Variants in CENPP observed in about 807,000 individuals in gnomAD.
CENPP encodes the protein centromere protein P.
In CENPP, 24 loss-of-function variants were observed where a neutral mutation model predicts 35.6. That is an observed-to-expected ratio of 0.67 (90% confidence interval 0.49 to 0.95). The LOEUF (loss-of-function observed/expected upper bound fraction) is 0.95. Among genes scored for constraint, CENPP ranks in the 40% least tolerant of loss-of-function variants. The pLI is 0.00. For missense variants in CENPP, 332 were observed against 345.3 expected (o/e 0.96, Z 0.31); for synonymous variants, 120 against 125.5 (o/e 0.96, Z 0.29).
rs76697189 is a variant in CENPP, at chr9:92,401,540, C to A, written c.564+21681C>A. ...AAAGTTTTTCTGAGGTGAAACTGTTCCTCAGGGGTCTTGTCTGAACTGAGT... is the reference window on the plus strand; with the variant it reads ...AAAGTTTTTCTGAGGTGAAACTGTTACTCAGGGGTCTTGTCTGAACTGAGT... On this transcript the variant is annotated intron_variant, in intron 5 of 7. Transcript: ENST00000375587. Among the ~76,000 whole-genome samples, 29 of 152,254 alleles carry A rather than the reference C, an allele frequency of 1.9e-4. No homozygotes were observed. In the East Asian group the frequency reaches 5.6e-3, roughly 29 times the overall value.
chr9:92,615,577 C>T lies in CENPP; in HGVS notation c.*2428C>T. On this transcript the variant is annotated 3_prime_UTR_variant, in exon 8 of 8. Transcript: ENST00000375587. ...AAAGAAGAACTATCCAGAACGTCTT[C>T]CCAGGGCTTAACGGACACTTCCATT... is the stretch of plus-strand genomic sequence containing the variant. 1 of 465,032 alleles carries T rather than the reference C, an allele frequency of 2.2e-6. No individual in the cohort carries two copies. The highest frequency in any genetic ancestry group is 3.9e-6 in the Non-Finnish European group (1 of 255,062). 28.8% of individuals were successfully genotyped at this position (465,032 alleles called of 1,614,324 possible). A position where few individuals can be genotyped will look rare whatever the true frequency, so the allele number is the denominator to read the frequency against.
intron 5 of CENPP, among the ~76,000 whole-genome samples, chr9:92,546,439 G>A (rs1448029393): frequency 2.0e-5 from 3 of 152,128 alleles, no homozygotes; most frequent in Non-Finnish European, 4.4e-5. Context: ...ACACTCATGG[G>A]GGAAGATCTG....
chr9:92,497,032 G>A (rs1374107751), intron 5 of CENPP, among the ~76,000 whole-genome samples: 4 of 151,602 alleles, frequency 2.6e-5, no homozygotes, highest in Non-Finnish European at 4.4e-5. Context: ...AAAATGGTGC[G>A]CCACCTCTGG....
rs181388295 is a variant in CENPP, at chr9:92,593,301, G to A, written c.565-18013G>A. Among the ~76,000 whole-genome samples the A allele has an allele frequency of 7.2e-4, 110 of 152,326 alleles. No individual in the cohort carries two copies. The highest frequency in any genetic ancestry group is 6.8e-3 in the Middle Eastern group (2 of 294). ...AAAAACAGACTTCTGACAGACCACC[G>A]TGGCATCACACACAGGAGATACTCC... On this transcript the variant is annotated intron_variant, in intron 5 of 7. Coordinates refer to ENST00000375587, the MANE Select transcript of CENPP (RefSeq NM_001012267.3). This position sits in a 1 kb window ranked among gnomAD's most constrained non-coding sequence, Gnocchi z 4.1.
chr9:92,615,201 G>C lies in CENPP; in HGVS notation c.*2052G>C, dbSNP rs1194546821. 6.6e-6 allele frequency: 1 copy of C among 152,514 alleles called. No individual in the cohort carries two copies. The highest frequency in any genetic ancestry group is 6.5e-5 in the Admixed American group (1 of 15,286). 9.4% of individuals were successfully genotyped at this position (152,514 alleles called of 1,614,324 possible). On this transcript the variant is annotated 3_prime_UTR_variant, in exon 8 of 8. Coordinates refer to ENST00000375587, the MANE Select transcript of CENPP (RefSeq NM_001012267.3). ...GCATGAGTGGTGTCCATCCTGACCT[G>C]AGCCTTGCGCTCCCTGCTGCCCTGT...
chr9:92,429,573 G>A (rs1349835609), intron 5 of CENPP, among the ~76,000 whole-genome samples: 1 of 152,144 alleles, frequency 6.6e-6, no homozygotes, highest in East Asian at 1.9e-4. Context: ...GATTACCTGA[G>A]GTCAGGAGTT....
In CENPP at chr9:92,552,040, ATAT is replaced by A. The variant is rs907795430; in HGVS notation, c.565-59270_565-59268del. Among the ~76,000 whole-genome samples the A allele has an allele frequency of 1.1e-4, 10 of 93,718 alleles. 1 individual carries two copies. Among genetic ancestry groups the A allele is most frequent in the African/African-American group, 3.2e-4 (5 of 15,774 alleles). The allele number at this position is 93,718 out of a possible 152,430, so 61.5% of individuals were successfully genotyped here. A position where few individuals can be genotyped will look rare whatever the true frequency, so the allele number is the denominator to read the frequency against. ...ATATGATAGATCTATCATATATGTG[ATAT>A]TATAGGTCTATCATATATGTGATAT... On this transcript the variant is annotated intron_variant, in intron 5 of 7. Coordinates refer to ENST00000375587, the MANE Select transcript of CENPP (RefSeq NM_001012267.3).
At chr9:92,337,503 C>G in intron 2 of CENPP, 38 bp from the exon 3 acceptor site, 5 of 1,146,674 alleles carry the variant, frequency 4.4e-6, no homozygotes, top group Non-Finnish European at 6.6e-6. Context: ...AAGAAAATGG[C>G]TATTTGCAAA....
rs368870400 is a variant in CENPP at position 92,551,940 on chromosome 9, T to TGATATATATATATGATATATATATG, written c.565-59374_565-59373insGATATATATATATGATATATATATG. ...TGGTGTGTGTGTATATATATATATATATATATATATATGATATATATATGT... is the reference window on the plus strand; with the variant it reads ...TGGTGTGTGTGTATATATATATATATGATATATATATATGATATATATATGATATATATATATGATATATATATGT... On this transcript the variant is annotated intron_variant, in intron 5 of 7. Transcript: ENST00000375587. Among the ~76,000 whole-genome samples the TGATATATATATATGATATATATATG allele has an allele frequency of 1.1e-4, 13 of 113,362 alleles. 1 individual carries two copies. Among genetic ancestry groups the TGATATATATATATGATATATATATG allele is most frequent in the South Asian group, 2.5e-4 (1 of 3,946 alleles). The allele number at this position is 113,362 out of a possible 152,430, so 74.4% of individuals were successfully genotyped here. A position where few individuals can be genotyped will look rare whatever the true frequency, so the allele number is the denominator to read the frequency against.
chr9:92,409,364 A>G (rs978979215), intron 5 of CENPP, among the ~76,000 whole-genome samples: 1 of 152,224 alleles, frequency 6.6e-6, no homozygotes, highest in Non-Finnish European at 1.5e-5. Flanking sequence ...ATCCTTGGGG[A>G]CATATGAATT....
rs1850711410 is a variant in CENPP, at chr9:92,593,575, AG to A, written c.565-17738del. ...ATCTGTACAGAAATGAATAAATGAA[AG>A]AGTGGTGTTTGCTACTCTTCTGTTA... On this transcript the variant is annotated intron_variant, in intron 5 of 7. Transcript: ENST00000375587. This position sits in a 1 kb window ranked among gnomAD's most constrained non-coding sequence, Gnocchi z 4.1. 6.6e-6 allele frequency among the ~76,000 whole-genome samples: 1 copy of A among 152,206 alleles called. No homozygotes were observed. Among genetic ancestry groups the A allele is most frequent in the South Asian group, 2.1e-4 (1 of 4,832 alleles).
intron 5 of CENPP, among the ~76,000 whole-genome samples, chr9:92,533,840 T>C (rs1849007065): frequency 6.6e-6 from 1 of 152,140 alleles, no homozygotes; most frequent in South Asian, 2.1e-4. Context: ...TTATTTCTTA[T>C]ATTTAGTGTT....
At chr9:92,561,456 C>T (rs927898379) in intron 5 of CENPP, among the ~76,000 whole-genome samples, 1 of 152,190 alleles carries the variant, frequency 6.6e-6, no homozygotes, top group Non-Finnish European at 1.5e-5. Flanking sequence ...TATGTCCCTA[C>T]AGCAGGAAAT....
At chr9:92,568,712 G>A (rs1330190934) in intron 5 of CENPP, among the ~76,000 whole-genome samples, 1 of 152,208 alleles carries the variant, frequency 6.6e-6, no homozygotes, top group African/African-American at 2.4e-5. Flanking sequence ...CAGTGTAAAA[G>A]TGTTCCTATT....
chr9:92,359,696 AACTACAATGGCTGCCTG>A (rs1368337013), intron 4 of CENPP, among the ~76,000 whole-genome samples: 1 of 152,208 alleles, frequency 6.6e-6, no homozygotes, highest in Non-Finnish European at 1.5e-5. Context: ...GGGGATGTGT[AACTACAATGGCTGCCTG>A]ACTCTTTGTC....
chr9:92,389,879 C>T lies in CENPP; in HGVS notation c.564+10020C>T, dbSNP rs770627591. ...TTTGAATGCATTTGCTTTGATTCCC[C>T]TACTCTTGATTTTGTTGTATTTTGC... On this transcript the variant is annotated intron_variant, in intron 5 of 7. Transcript: ENST00000375587. 6.8e-6 allele frequency: 11 copies of T among 1,611,898 alleles called. No individual in the cohort carries two copies. The highest frequency in any genetic ancestry group is 9.3e-6 in the Non-Finnish European group (11 of 1,178,748).
chr9:92,424,473 G>A (rs964447269), intron 5 of CENPP: 40 of 152,274 alleles, frequency 2.6e-4, no homozygotes, highest in African/African-American at 8.9e-4. Flanking sequence ...GATTTATGTG[G>A]CTTACTTCTT....
rs993889264 is a variant in CENPP, at chr9:92,593,523, A to G, written c.565-17791A>G. On this transcript the variant is annotated intron_variant, in intron 5 of 7. Transcript: ENST00000375587. The surrounding 1 kb of genome is among the most constrained non-coding windows in gnomAD (Gnocchi z 4.1). ...ATTCTATGTTGAAATATGAATAGCT[A>G]TAAGATGTTTAGCCAATTCATGGAT... 3.3e-5 allele frequency among the ~76,000 whole-genome samples: 5 copies of G among 152,242 alleles called. No individual in the cohort carries two copies. The highest frequency in any genetic ancestry group is 7.3e-5 in the Non-Finnish European group (5 of 68,044).
intron 5 of CENPP, among the ~76,000 whole-genome samples, chr9:92,521,960 G>T (rs183557389): frequency 6.6e-6 from 1 of 152,330 alleles, no homozygotes; most frequent in African/African-American, 2.4e-5. Flanking sequence ...ATACTGGAAA[G>T]AAACCAAAAT....
Sources: allele counts gnomAD v4.1 joint callset (sites outside exome capture counted in the v4.1 genomes callset), GRCh38; gene constraint gnomAD v4.1.1; non-coding constraint Gnocchi (gnomAD v3.1); transcripts MANE v1.5; gene names NCBI Gene and HGNC (gene_info 2026-07-23, HGNC 2026-07-21).